The following CREB5 variants were observed in gnomAD, a reference collection of about 807,000 sequenced individuals.
CREB5 encodes the protein cAMP responsive element binding protein 5, also known as cyclic AMP-responsive element-binding protein 5.
A neutral mutation model predicts 57.1 loss-of-function variants in CREB5; 19 were observed. The observed-to-expected ratio is 0.33, with a 90% confidence interval of 0.23 to 0.49. The LOEUF (loss-of-function observed/expected upper bound fraction) is 0.49. CREB5 is among the 20% of genes least tolerant of loss of function. The probability of loss-of-function intolerance (pLI) is 0.99; values close to 1 mark genes in which losing one functional copy is unlikely to be tolerated. For missense variants in CREB5, 579 were observed against 671.6 expected, an observed-to-expected ratio of 0.86 and a Z score of 1.52; for synonymous variants, 238 against 238.3, an observed-to-expected ratio of 1.00 and a Z score of 0.01.
intron 7 of CREB5, among the ~76,000 whole-genome samples, chr7:28,795,672 A>G (rs1807988930): frequency 6.6e-6 from 1 of 152,170 alleles, no homozygotes; most frequent in African/African-American, 2.4e-5. Context: ...AGAAGAAAAG[A>G]CATTCTTCTT....
Position 28,641,635 on chromosome 7 carries a change from T to C in CREB5, c.464+71098T>C, listed in dbSNP as rs572426555. Among the ~76,000 whole-genome samples the C allele has an allele frequency of 2.0e-5, 3 of 152,270 alleles. No homozygotes were observed. In the East Asian group the frequency reaches 5.8e-4, roughly 29 times the overall value. Reference sequence around the variant, plus strand: ...CTAAACTAAACACCCAAAATGTGCTTTGGGTCCTTCACATTTCTAGCTACA... The same window carrying C: ...CTAAACTAAACACCCAAAATGTGCTCTGGGTCCTTCACATTTCTAGCTACA... On this transcript the variant is annotated intron_variant, in intron 5 of 10. Coordinates refer to ENST00000357727, the MANE Select transcript of CREB5 (RefSeq NM_182898.4).
At chr7:28,398,836 C>T (rs557803990) in intron 1 of CREB5, among the ~76,000 whole-genome samples, 12 of 152,144 alleles carry the variant, frequency 7.9e-5, no homozygotes, top group African/African-American at 2.2e-4. Flanking sequence ...CTCAGCCTCC[C>T]GAGCAGCTGG....
chr7:28,765,221 G>A (rs552260736), intron 7 of CREB5, among the ~76,000 whole-genome samples: 182 of 152,324 alleles, frequency 1.2e-3, no homozygotes, highest in African/African-American at 4.2e-3. Context: ...GATTTGAGGT[G>A]ATGGTGGATA....
chr7:28,501,339 T>C (rs1792264807), intron 3 of CREB5, among the ~76,000 whole-genome samples: 1 of 152,228 alleles, frequency 6.6e-6, no homozygotes, highest in Non-Finnish European at 1.5e-5. Flanking sequence ...CAAAGAGTTG[T>C]GGTTTAAAAT....
intron 7 of CREB5, among the ~76,000 whole-genome samples, chr7:28,737,527 GTATATATATACGTATATATATA>G (rs1562606305): frequency 3.0e-4 from 25 of 84,288 alleles, no homozygotes; most frequent in Non-Finnish European, 4.2e-4. Flanking sequence ...GTGTATATAT[GTATATATATACGTATATATATA>G]TATATATATA....
chr7:28,412,860 A>G lies in CREB5; in HGVS notation c.-55A>G. On this transcript the variant is annotated 5_prime_UTR_variant, in exon 1 of 11. Transcript: ENST00000357727. ...AGTTACTAGAAAGAAAGGAAGAAAA[A>G]ACTTGATTTGGTGACTGCAGGAAGC... is the stretch of plus-strand genomic sequence containing the variant. 1.4e-6 allele frequency: 2 copies of G among 1,449,262 alleles called. No homozygotes were observed. Among genetic ancestry groups the G allele is most frequent in the Admixed American group, 2.4e-5 (1 of 40,928 alleles). The allele number at this position is 1,449,262 out of a possible 1,614,324, so 89.8% of individuals were successfully genotyped here.
intron 4 of CREB5, among the ~76,000 whole-genome samples, chr7:28,529,606 A>C (rs948859116): frequency 1.3e-5 from 2 of 152,202 alleles, no homozygotes; most frequent in African/African-American, 2.4e-5. Context: ...CAAGGTGGGA[A>C]AATAAAGAAC....
chr7:28,589,566 A>G lies in CREB5; in HGVS notation c.464+19029A>G, dbSNP rs528472083. On this transcript the variant is annotated intron_variant, in intron 5 of 10. Coordinates refer to ENST00000357727, the MANE Select transcript of CREB5 (RefSeq NM_182898.4). ...GACACTCTGTCTCAAAAACAAAAAC[A>G]AAAAGAAAAAGAAAACAGAGTTGAT... 1.6e-4 allele frequency among the ~76,000 whole-genome samples: 25 copies of G among 152,294 alleles called. No individual in the cohort carries two copies. The South Asian group carries it at 3.3e-3, about 20-fold the overall frequency.
intron 1 of CREB5, among the ~76,000 whole-genome samples, chr7:28,458,031 C>T (rs1048302325): frequency 6.6e-6 from 1 of 152,062 alleles, no homozygotes; most frequent in African/African-American, 2.4e-5. Flanking sequence ...GGGCCCTATC[C>T]CCCATAAGAG....
chr7:28,797,960 GA>G (rs59850606), intron 7 of CREB5, among the ~76,000 whole-genome samples: 3 of 149,174 alleles, frequency 2.0e-5, no homozygotes, highest in Admixed American at 6.7e-5. Flanking sequence ...TTTGGAAAGT[GA>G]AAAAAAAAAG....
chr7:28,394,386 A>G (rs555007012), intron 1 of CREB5, among the ~76,000 whole-genome samples: 1 of 152,310 alleles, frequency 6.6e-6, no homozygotes, highest in South Asian at 2.1e-4. Flanking sequence ...CAAGTAAAGG[A>G]CAGGGACTAA....
At chr7:28,517,579 G>A (rs752677015) in intron 4 of CREB5, among the ~76,000 whole-genome samples, 1 of 152,146 alleles carries the variant, frequency 6.6e-6, no homozygotes, top group Non-Finnish European at 1.5e-5. Context: ...CTGAATTACT[G>A]GTACCTATGT....
At chr7:28,769,321 T>G (rs1240953494) in intron 7 of CREB5, among the ~76,000 whole-genome samples, 1 of 152,174 alleles carries the variant, frequency 6.6e-6, no homozygotes. Flanking sequence ...ATTGCAGATT[T>G]TCAAATAGGT....
intron 1 of CREB5, among the ~76,000 whole-genome samples, chr7:28,314,966 C>T (rs1381774771): frequency 6.6e-6 from 1 of 152,218 alleles, no homozygotes; most frequent in East Asian, 1.9e-4. Flanking sequence ...ATTCCAGTGA[C>T]AGGAACATAT....
chr7:28,448,621 C>G (rs1158311007), intron 1 of CREB5, among the ~76,000 whole-genome samples: 2 of 152,220 alleles, frequency 1.3e-5, no homozygotes, highest in African/African-American at 4.8e-5. Context: ...CTTTAACCTT[C>G]TAAATTCTTC....
At chr7:28,699,832 G>A (rs1485939222) in intron 5 of CREB5, among the ~76,000 whole-genome samples, 3 of 152,072 alleles carry the variant, frequency 2.0e-5, no homozygotes, top group African/African-American at 7.2e-5. Flanking sequence ...CCCTGCCCAA[G>A]AGCTCCAGTG....
rs904465174 is a variant in CREB5, at chr7:28,572,747, T to C, written c.464+2210T>C. 3.9e-5 allele frequency among the ~76,000 whole-genome samples: 6 copies of C among 152,216 alleles called. No homozygotes were observed. The East Asian group carries it at 1.2e-3, about 29-fold the overall frequency. On this transcript the variant is annotated intron_variant, in intron 5 of 10. Coordinates refer to ENST00000357727, the MANE Select transcript of CREB5 (RefSeq NM_182898.4). ...ATGAGTGCTGACTCTGTTGATAATT[T>C]ACCCAGCTGGCCCAGGACTGTACAT...
In CREB5 at chr7:28,535,088, C is replaced by A. The variant is rs1293374369; in HGVS notation, c.291+27351C>A. On this transcript the variant is annotated intron_variant, in intron 4 of 10. Transcript: ENST00000357727. ...TGAATTAGGCAATGGGATATTGTGG[C>A]CCCTTTGCTGTCCCATGGTCACCCC... is the stretch of plus-strand genomic sequence containing the variant. Among the ~76,000 whole-genome samples the A allele has an allele frequency of 1.4e-5, 2 of 140,776 alleles. 1 individual carries two copies. The highest frequency in any genetic ancestry group is 5.2e-5 in the African/African-American group (2 of 38,272). 92.4% of individuals were successfully genotyped at this position (140,776 alleles called of 152,430 possible).
chr7:28,580,432 CACA>C (rs1192765606), intron 5 of CREB5, among the ~76,000 whole-genome samples: 3 of 127,326 alleles, frequency 2.4e-5, no homozygotes, highest in Non-Finnish European at 5.0e-5. Flanking sequence ...CCCCCCACCA[CACA>C]CACACACACA....
Sources: gnomAD v4.1 joint callset for allele counts (sites outside exome capture counted in the v4.1 genomes callset) on GRCh38, gnomAD v4.1.1 for gene constraint, MANE v1.5 for transcripts, NCBI Gene and HGNC (gene_info 2026-07-23, HGNC 2026-07-21) for gene names.